MROH9: variants seen among roughly 807,000 people sequenced by gnomAD.
MROH9 encodes the protein maestro heat like repeat family member 9.
A neutral mutation model predicts 98.2 loss-of-function variants in MROH9; 92 were observed. That is an observed-to-expected ratio of 0.94 (90% confidence interval 0.79 to 1.11). The LOEUF (loss-of-function observed/expected upper bound fraction) is 1.11. MROH9 is among the 50% of genes most tolerant of loss of function. MROH9 has a pLI of 0.00. For missense variants in MROH9, 1,057 were observed against 1,014.8 expected (o/e 1.04, Z -0.57); for synonymous variants, 397 against 368.9 (o/e 1.08, Z -0.87).
At position 170,986,695 on chromosome 1, in the gene MROH9, C is replaced by A. The variant is rs186747714; in HGVS notation, c.864C>A (p.Ala288=). ...TGATATTTACTCTGGAATTTCATGC[C>A]GAGAAGGTCACCATGGTAAGATACT... is the stretch of plus-strand genomic sequence containing the variant. ...SILIFTLEFH[A]EKVTMVSKIV... The change falls in exon 10 of 22, where the codon GCC becomes GCA. Residue 288 remains alanine (A), a synonymous_variant. Transcript: ENST00000367759. 1 of 1,613,484 alleles carries A rather than the reference C, an allele frequency of 6.2e-7. No individual in the cohort carries two copies. The highest frequency in any genetic ancestry group is 8.5e-7 in the Non-Finnish European group (1 of 1,179,718).
chr1:170,980,974 G>A (rs1571472234), intron 8 of MROH9, among the ~76,000 whole-genome samples: 1 of 151,850 alleles, frequency 6.6e-6, no homozygotes, highest in South Asian at 2.1e-4. Flanking sequence ...CAAACAGACA[G>A]TTCTCAAAAG....
At chr1:170,938,354 G>T (rs966141213) in intron 1 of MROH9, among the ~76,000 whole-genome samples, 1 of 152,158 alleles carries the variant, frequency 6.6e-6, no homozygotes, top group African/African-American at 2.4e-5. Context: ...TTCACCCCTT[G>T]ATCCCTAGAC....
At chr1:171,012,965 T>TGAGGA (rs1557898120) in intron 15 of MROH9, among the ~76,000 whole-genome samples, 4 of 152,132 alleles carry the variant, frequency 2.6e-5, no homozygotes, top group Admixed American at 2.6e-4. Flanking sequence ...CTTCCATACT[T>TGAGGA]GCCCTCAAGC....
chr1:170,945,705 C>A (rs377397544), intron 2 of MROH9, 124 bp downstream of exon 2: 1 of 796,534 alleles, frequency 1.3e-6, no homozygotes, highest in East Asian at 3.0e-5. Context: ...AAGAATGTAC[C>A]TTTTTTCCCT....
chr1:170,986,585 C>T lies in MROH9; in HGVS notation c.754C>T (p.Pro252Ser). Reference sequence around the variant, plus strand: ...GAGAGTAGGGCAAACCTTACTGCCTCCCTTGCTGACTGACTTTGTGCAGAG... The same window carrying T: ...GAGAGTAGGGCAAACCTTACTGCCTTCCTTGCTGACTGACTTTGTGCAGAG... ...AQRVGQTLLP[P>S]LLTDFVQSLL... is the part of the protein sequence containing the mutation. The change falls in exon 10 of 22, where the codon CCC becomes TCC. Residue 252 changes from proline to serine, a missense_variant. Coordinates refer to ENST00000367759, the MANE Select transcript of MROH9 (RefSeq NM_001163629.2). The T allele has an allele frequency of 1.2e-6, 2 of 1,613,656 alleles. No homozygotes were observed. Among genetic ancestry groups the T allele is most frequent in the Non-Finnish European group, 1.7e-6 (2 of 1,179,802 alleles).
chr1:170,958,204 A>G (rs1649854304), intron 3 of MROH9, among the ~76,000 whole-genome samples: 1 of 152,208 alleles, frequency 6.6e-6, no homozygotes. Context: ...AGCACACCTT[A>G]CAAAGTGCTG....
At chr1:170,984,008 T>C (rs1216665824) in intron 9 of MROH9, among the ~76,000 whole-genome samples, 1 of 152,216 alleles carries the variant, frequency 6.6e-6, no homozygotes, top group African/African-American at 2.4e-5. Context: ...TAAACCTCAG[T>C]ACCAAGTAAG....
intron 20 of MROH9, among the ~76,000 whole-genome samples, chr1:171,041,402 G>A (rs1238529084): frequency 3.5e-5 from 1 of 28,234 alleles, no homozygotes; most frequent in Non-Finnish European, 8.3e-5. Context: ...TATTGGTCAA[G>A]ATACATACAC....
At chr1:171,055,450 G>A (rs1453726271) in intron 20 of MROH9, among the ~76,000 whole-genome samples, 2 of 151,752 alleles carry the variant, frequency 1.3e-5, no homozygotes, top group African/African-American at 2.4e-5. Context: ...GTGAAACCCC[G>A]TCTCTACTAA....
At chr1:171,003,881 G>A (rs1331569270) in intron 15 of MROH9, among the ~76,000 whole-genome samples, 1 of 152,072 alleles carries the variant, frequency 6.6e-6, no homozygotes, top group African/African-American at 2.4e-5. Flanking sequence ...GGCTAGGTGT[G>A]ACTGAGCTCA....
intron 6 of MROH9, 144 bp downstream of exon 6, chr1:170,962,120 G>T (rs1445020128): frequency 3.7e-6 from 2 of 540,906 alleles, no homozygotes; most frequent in African/African-American, 2.0e-5. Flanking sequence ...AGAGTGAAAT[G>T]TAGTCACTTC....
chr1:170,956,595 G>GTTTTTTTTTTTTT (rs5778690), intron 3 of MROH9, among the ~76,000 whole-genome samples: 2 of 104,608 alleles, frequency 1.9e-5, no homozygotes, highest in African/African-American at 7.6e-5. Context: ...TTTTTTTTTT[G>GTTTTTTTTTTTTT]TTTTTTTTTT....
chr1:171,054,249 C>T (rs1026874247), intron 20 of MROH9, among the ~76,000 whole-genome samples: 2 of 152,022 alleles, frequency 1.3e-5, no homozygotes, highest in African/African-American at 2.4e-5. Context: ...AACTGATGTT[C>T]GACAAAGCAA....
In MROH9 at chr1:170,971,973, T is replaced by A; in HGVS notation, c.616+90T>A. 4.4e-6 allele frequency: 6 copies of A among 1,350,276 alleles called. 1 individual carries two copies. The highest frequency in any genetic ancestry group is 1.9e-4 in the Middle Eastern group (1 of 5,334). 83.6% of individuals were successfully genotyped at this position (1,350,276 alleles called of 1,614,324 possible). ...AGGTCCTGGGAAGGCTCTACGTCTG[T>A]TAATTTCTAAATCCTGCCCCAAGAG... On this transcript the variant is annotated intron_variant, in intron 8 of 21. Transcript: ENST00000367759.
intron 2 of MROH9, 34 bp from the exon 3 acceptor site, chr1:170,947,493 T>A (rs2101873089): frequency 1.3e-6 from 2 of 1,594,526 alleles, no homozygotes; most frequent in East Asian, 4.5e-5. Flanking sequence ...TCTATGTTCA[T>A]TCCTTTTTAA....
chr1:170,965,200 T>A lies in MROH9; in HGVS notation c.425T>A (p.Ile142Lys), dbSNP rs1318777504. ...GATAGCTCATATCTGCAAGAGAGAA[T>A]AATGGTGATCATCAACAAGGTGTTA... ...SKDSSYLQER[I>K]MVIINKVLRF... Residue 142 changes from isoleucine to lysine, a missense_variant, in exon 7 of 22, where the codon ATA (isoleucine) becomes AAA (lysine). Coordinates refer to ENST00000367759, the MANE Select transcript of MROH9 (RefSeq NM_001163629.2). The A allele has an allele frequency of 8.1e-6, 13 of 1,612,126 alleles. No individual in the cohort carries two copies. The highest frequency in any genetic ancestry group is 1.1e-5 in the Non-Finnish European group (13 of 1,178,574).
chr1:171,011,153 C>G (rs1652143769), intron 15 of MROH9, among the ~76,000 whole-genome samples: 1 of 152,110 alleles, frequency 6.6e-6, no homozygotes, highest in Non-Finnish European at 1.5e-5. Context: ...GGAATAGAGA[C>G]AGACAGCGAG....
intron 3 of MROH9, among the ~76,000 whole-genome samples, chr1:170,956,801 A>G (rs562729215): frequency 6.6e-6 from 1 of 151,444 alleles, no homozygotes; most frequent in South Asian, 2.1e-4. Context: ...TCGTCAGCAA[A>G]CAGTGACCGT....
chr1:170,994,421 T>G (rs969829022), intron 12 of MROH9, among the ~76,000 whole-genome samples: 3 of 152,228 alleles, frequency 2.0e-5, no homozygotes, highest in Non-Finnish European at 4.4e-5. Flanking sequence ...TGAAGTTTTC[T>G]GTCATGTGTT....
Sources: allele counts gnomAD v4.1 joint callset (sites outside exome capture counted in the v4.1 genomes callset), GRCh38; gene constraint gnomAD v4.1.1; transcripts MANE v1.5; gene names NCBI Gene and HGNC (gene_info 2026-07-23, HGNC 2026-07-21).